Variants in MIB1 observed in about 807,000 individuals in gnomAD.
MIB1 encodes MIB E3 ubiquitin protein ligase 1, also known as E3 ubiquitin-protein ligase MIB1.
A neutral mutation model predicts 124.5 loss-of-function variants in MIB1; 278 were observed. The observed-to-expected ratio is 2.23, with a 90% CI of 2.02 to 2.47. The LOEUF (loss-of-function observed/expected upper bound fraction) is 2.47, where lower values mean the gene tolerates loss of function less well. Among genes scored for constraint, MIB1 ranks in the 30% most tolerant of loss-of-function variants. MIB1 has a pLI of 0.00. For missense variants in MIB1, 957 were observed against 1,254.4 expected, an observed-to-expected ratio of 0.76 and a Z score of 3.58; for synonymous variants, 446 against 429.4, an observed-to-expected ratio of 1.04 and a Z score of -0.48.
At chr18:21,833,606 G>A (rs2042002745) in intron 12 of MIB1, among the ~76,000 whole-genome samples, 1 of 152,192 alleles carries the variant, frequency 6.6e-6, no homozygotes, top group Non-Finnish European at 1.5e-5. Context: ...AGTTTAGCTA[G>A]TAGGGTTTGG....
chr18:21,751,694 T>C lies in MIB1; in HGVS notation c.229+9882T>C, dbSNP rs559169605. ...AAATCCTTTCCCCTTCCTTTCTTTC[T>C]TCCCTTTTCTTCCCTTCTTTTCTTT... On this transcript the variant is annotated intron_variant, in intron 1 of 20. Transcript: ENST00000261537. 2.9e-3 allele frequency among the ~76,000 whole-genome samples: 385 copies of C among 134,074 alleles called. 2 individuals are homozygous for C. Among genetic ancestry groups the C allele is most frequent in the South Asian group, 0.012 (49 of 4,172 alleles). The allele number at this position is 134,074 out of a possible 152,430, so 88.0% of individuals were successfully genotyped here. A position where few individuals can be genotyped will look rare whatever the true frequency, so the allele number is the denominator to read the frequency against.
intron 1 of MIB1, among the ~76,000 whole-genome samples, chr18:21,705,360 G>A (rs1225388971): frequency 1.3e-5 from 2 of 152,214 alleles, no homozygotes; most frequent in Non-Finnish European, 2.9e-5. Flanking sequence ...AAATGAAAAG[G>A]TCAAGAATAG....
At chr18:21,825,774 G>A (rs375046066) in intron 12 of MIB1, 3 of 522,012 alleles carry the variant, frequency 5.7e-6, no homozygotes, top group Non-Finnish European at 1.2e-5. Flanking sequence ...ACCAGCTCTA[G>A]CAAAGCATTG....
At chr18:21,774,447 G>A (rs2041257519) in intron 4 of MIB1, among the ~76,000 whole-genome samples, 1 of 152,176 alleles carries the variant, frequency 6.6e-6, no homozygotes, top group Admixed American at 6.5e-5. Flanking sequence ...AATTAGCCGG[G>A]TTTGATGGCA....
intron 10 of MIB1, among the ~76,000 whole-genome samples, chr18:21,807,435 A>G (rs2041721243): frequency 6.6e-6 from 1 of 152,178 alleles, no homozygotes; most frequent in Non-Finnish European, 1.5e-5. Flanking sequence ...CCTACCTCAA[A>G]CAAGACTACA....
At chr18:21,793,832 T>G in intron 7 of MIB1, 1 of 129,504 alleles carries the variant, frequency 7.7e-6, no homozygotes, top group African/African-American at 2.9e-5. Flanking sequence ...GAAAGATACG[T>G]GCAGAAAAAT....
At chr18:21,777,808 T>G (rs1436482778) in intron 4 of MIB1, among the ~76,000 whole-genome samples, 1 of 152,220 alleles carries the variant, frequency 6.6e-6, no homozygotes, top group Non-Finnish European at 1.5e-5. Context: ...TCCGCCCATC[T>G]TGGCCTCCCA....
intron 10 of MIB1, among the ~76,000 whole-genome samples, chr18:21,804,797 G>C (rs2041686190): frequency 6.6e-6 from 1 of 152,150 alleles, no homozygotes; most frequent in Admixed American, 6.5e-5. Context: ...GGCTAAATTG[G>C]TGGATCAACC....
chr18:21,837,371 G>A (rs1435408466), intron 12 of MIB1, among the ~76,000 whole-genome samples: 4 of 152,292 alleles, frequency 2.6e-5, no homozygotes, highest in Admixed American at 6.5e-5. Context: ...AGCCGGGCAT[G>A]GTGGCAGGCG....
In MIB1 at chr18:21,799,886, C is replaced by G. The variant is rs1469916484; in HGVS notation, c.1283C>G (p.Ser428Cys). Residue 428 changes from serine to cysteine, a missense_variant, in exon 9 of 21, where the codon TCT becomes TGT. Ser to Cys is a moderately radical substitution (Grantham distance 112). Coordinates refer to ENST00000261537, the MANE Select transcript of MIB1 (RefSeq NM_020774.4). ...AAGAAATTATTTGAAACCCAAGAAT[C>G]TGGTGACCTCAATGAAGAATTAGTT... ...LLKKLFETQESGDLNEELVKA... is the reference protein window; with the variant it reads ...LLKKLFETQECGDLNEELVKA... The G allele has an allele frequency of 6.2e-7, 1 of 1,612,036 alleles. No individual in the cohort carries two copies.
intron 12 of MIB1, among the ~76,000 whole-genome samples, chr18:21,821,577 C>G (rs2041878177): frequency 6.6e-6 from 1 of 151,002 alleles, no homozygotes; most frequent in Non-Finnish European, 1.5e-5. Flanking sequence ...CTTCCTTGTT[C>G]TGTGTGTGTT....
rs371854229 is a variant in MIB1, at chr18:21,844,260, A to G, written c.2211+7A>G. On this transcript the variant is annotated splice_region_variant and intron_variant, in intron 15 of 20. Coordinates refer to ENST00000261537, the MANE Select transcript of MIB1 (RefSeq NM_020774.4). ...GGAGCCATCCAAAAACACGGTGAGTAAAGATCATCTTTCATTCAGTACCAG... is the reference window on the plus strand; with the variant it reads ...GGAGCCATCCAAAAACACGGTGAGTGAAGATCATCTTTCATTCAGTACCAG... The G allele has an allele frequency of 1.2e-6, 2 of 1,613,770 alleles. No individual in the cohort carries two copies. Among genetic ancestry groups the G allele is most frequent in the Non-Finnish European group, 1.7e-6 (2 of 1,179,788 alleles).
At chr18:21,754,679 G>A (rs2041011239) in intron 1 of MIB1, among the ~76,000 whole-genome samples, 1 of 152,180 alleles carries the variant, frequency 6.6e-6, no homozygotes, top group South Asian at 2.1e-4. Flanking sequence ...AGGATTCTGA[G>A]ATCTACAGTA....
intron 12 of MIB1, chr18:21,827,029 G>C (rs1396097159): frequency 6.6e-6 from 1 of 152,076 alleles, no homozygotes; most frequent in Non-Finnish European, 1.5e-5. Context: ...AGATCCAGTT[G>C]CTCAAGTGTG....
intron 19 of MIB1, 81 bp downstream of exon 19, chr18:21,857,324 C>G (rs1681987324): frequency 1.2e-6 from 1 of 821,258 alleles, no homozygotes; most frequent in Non-Finnish European, 2.1e-6. Flanking sequence ...TCGTAATACA[C>G]TACTGCCTTA....
rs771143925 is a variant in MIB1 at position 21,846,933 on chromosome 18, T to G, written c.2212-11T>G. 9 of 1,612,032 alleles carry G rather than the reference T, an allele frequency of 5.6e-6. No homozygotes were observed. Among genetic ancestry groups the G allele is most frequent in the Non-Finnish European group, 6.8e-6 (8 of 1,178,556 alleles). The stretch of plus-strand genomic sequence containing the variant: ...CTAGAGGGAAAATCATGACTCTTTA[T>G]TTTATTGCAGTTAATAATGGGACTT... On this transcript the variant is annotated splice_polypyrimidine_tract_variant and intron_variant, in intron 15 of 20. Coordinates refer to ENST00000261537, the MANE Select transcript of MIB1 (RefSeq NM_020774.4).
At chr18:21,795,421 A>G (rs931488640) in intron 7 of MIB1, among the ~76,000 whole-genome samples, 2 of 146,564 alleles carry the variant, frequency 1.4e-5, no homozygotes, top group African/African-American at 5.0e-5. Flanking sequence ...TATATAATAT[A>G]TAATTATTAG....
At chr18:21,757,788 T>C (rs1231410699) in intron 1 of MIB1, among the ~76,000 whole-genome samples, 1 of 152,104 alleles carries the variant, frequency 6.6e-6, no homozygotes, top group Admixed American at 6.6e-5. Flanking sequence ...ACCCGGCCAG[T>C]CTTTTAACAT....
At chr18:21,790,945 T>TGTAA (rs2041495150) in intron 6 of MIB1, among the ~76,000 whole-genome samples, 1 of 152,128 alleles carries the variant, frequency 6.6e-6, no homozygotes, top group Admixed American at 6.5e-5. Context: ...GGTTCACACC[T>TGTAA]GTAATCCCAG....
Sources: allele counts gnomAD v4.1 joint callset (sites outside exome capture counted in the v4.1 genomes callset), GRCh38; gene constraint gnomAD v4.1.1; transcripts MANE v1.5; gene names NCBI Gene and HGNC (gene_info 2026-07-23, HGNC 2026-07-21).